ASGR2: variants seen among roughly 807,000 people sequenced by gnomAD.
ASGR2 encodes the protein C-type lectin domain family 4 member H2.
A neutral mutation model predicts 32.3 loss-of-function variants in ASGR2; 34 were observed. That is an observed-to-expected ratio of 1.05 (90% CI 0.80 to 1.40). ASGR2 has a LOEUF of 1.40. ASGR2 is among the 40% of genes most tolerant of loss of function. ASGR2 has a pLI of 0.00. For missense variants in ASGR2, 385 were observed against 386.4 expected, an observed-to-expected ratio of 1.00 and a Z score of 0.03; for synonymous variants, 143 against 150.0, an observed-to-expected ratio of 0.95 and a Z score of 0.34.
At chr17:7,103,449 C>G (rs1913139264) in intron 7 of ASGR2, among the ~76,000 whole-genome samples, 1 of 152,172 alleles carries the variant, frequency 6.6e-6, no homozygotes, top group Non-Finnish European at 1.5e-5. Flanking sequence ...CTCCCATCAC[C>G]ACGAGAAACA....
chr17:7,104,370 AGC>A (rs1427538973), intron 7 of ASGR2, among the ~76,000 whole-genome samples: 1,574 of 136,076 alleles, frequency 0.012, 18 homozygotes, highest in Non-Finnish European at 0.019. Context: ...AAAAAAAAAA[AGC>A]CAGGCGTAGT....
chr17:7,106,958 C>T, intron 7 of ASGR2, 42 bp downstream of exon 7: 2 of 1,610,634 alleles, frequency 1.2e-6, no homozygotes, highest in Non-Finnish European at 1.7e-6. Flanking sequence ...CAGAGCAGGC[C>T]TTCCAAGGGC....
rs1201491631 is a variant in ASGR2, at chr17:7,113,461, A to G, written c.124+656T>C. Among the ~76,000 whole-genome samples, 8 of 148,590 alleles carry G rather than the reference A, an allele frequency of 5.4e-5. No individual in the cohort carries two copies. The East Asian group carries it at 1.6e-3, about 29-fold the overall frequency. On this transcript the variant is annotated intron_variant, in intron 2 of 8. Transcript: ENST00000691900. This position sits in a 1 kb window ranked among gnomAD's most constrained non-coding sequence, Gnocchi z 5.1. ...CAACACTCACACAACACACAAACAT[A>G]CATACACTCACACAATACACACACA...
intron 7 of ASGR2, among the ~76,000 whole-genome samples, chr17:7,102,614 T>G (rs1913013296): frequency 6.6e-6 from 1 of 152,170 alleles, no homozygotes; most frequent in African/African-American, 2.4e-5. Flanking sequence ...CCCTGTCTTC[T>G]GCCCACAGCC....
upstream of ASGR2, chr17:7,114,923 C>T (rs568291160): frequency 4.1e-4 from 407 of 982,766 alleles, no homozygotes; most frequent in South Asian, 4.9e-3. The surrounding 1 kb of genome is among the most constrained non-coding windows in gnomAD (Gnocchi z 4.5). Flanking sequence ...CCCTGGGCTG[C>T]GCTCAACTCC....
At chr17:7,104,816 A>T (rs1372068788) in intron 7 of ASGR2, among the ~76,000 whole-genome samples, 1 of 151,746 alleles carries the variant, frequency 6.6e-6, no homozygotes, top group Non-Finnish European at 1.5e-5. Flanking sequence ...CTCTACTAAA[A>T]AATATAAAAG....
chr17:7,106,810 A>C (rs1913756396), intron 7 of ASGR2, among the ~76,000 whole-genome samples, 190 bp downstream of exon 7: 1 of 151,770 alleles, frequency 6.6e-6, no homozygotes, highest in African/African-American at 2.4e-5. Context: ...AGGCCGAGGC[A>C]GGAGAATGGC....
Position 7,101,463 on chromosome 17 carries a change from C to G in ASGR2, c.*112G>C. On this transcript the variant is annotated 3_prime_UTR_variant, in exon 9 of 9. Transcript: ENST00000691900. ...AAACTACCTCCTTTCTCTCTTTGCT[C>G]AGCTCTTCCCCATACCCCTGTCTCA... The G allele has an allele frequency of 7.1e-7, 1 of 1,407,258 alleles. No individual in the cohort carries two copies. The highest frequency in any genetic ancestry group is 1.4e-5 in the South Asian group (1 of 69,456). The allele number at this position is 1,407,258 out of a possible 1,614,324, so 87.2% of individuals were successfully genotyped here. A position where few individuals can be genotyped will look rare whatever the true frequency, so the allele number is the denominator to read the frequency against.
chr17:7,112,646 C>T (rs560631432), intron 2 of ASGR2, among the ~76,000 whole-genome samples: 30 of 152,274 alleles, frequency 2.0e-4, no homozygotes, highest in Admixed American at 1.8e-3. Flanking sequence ...GTCCAGCCAG[C>T]CCCCTACAGA....
At position 7,114,683 on chromosome 17, in the gene ASGR2, A is replaced by T. The variant is rs1915254849; in HGVS notation, c.-139T>A. On this transcript the variant is annotated 5_prime_UTR_variant, in exon 1 of 9. Coordinates refer to ENST00000691900, the MANE Select transcript of ASGR2 (RefSeq NM_001201352.2). This position sits in a 1 kb window ranked among gnomAD's most constrained non-coding sequence, Gnocchi z 4.5. Reference sequence around the variant, plus strand: ...CCCTGGCCTTGGCCAAGGAGGGGTTAAAGCCAGGAGAACTGGGGCAGGTGG... The same window carrying T: ...CCCTGGCCTTGGCCAAGGAGGGGTTTAAGCCAGGAGAACTGGGGCAGGTGG... 2.9e-6 allele frequency: 3 copies of T among 1,021,566 alleles called. No homozygotes were observed. Among genetic ancestry groups the T allele is most frequent in the South Asian group, 7.7e-5 (2 of 25,812 alleles). 63.3% of individuals were successfully genotyped at this position (1,021,566 alleles called of 1,614,324 possible). A position where few individuals can be genotyped will look rare whatever the true frequency, so the allele number is the denominator to read the frequency against.
In ASGR2 at chr17:7,114,197, T is replaced by G; in HGVS notation, c.44A>C (p.Glu15Ala). The G allele has an allele frequency of 6.2e-7, 1 of 1,614,158 alleles. No individual in the cohort carries two copies. Among genetic ancestry groups the G allele is most frequent in the Non-Finnish European group, 8.5e-7 (1 of 1,180,030 alleles). ...ACCTTGATGGAAAGGATGGTCATTT[T>G]CCTCCGAGCTCAGCTGCTGGATATC... ...FQDIQQLSSEENDHPFHQGEG... is the reference protein window; with the variant it reads ...FQDIQQLSSEANDHPFHQGEG... Residue 15 changes from glutamate (E) to alanine (A), a missense_variant, in exon 2 of 9, where the codon GAA (glutamate) becomes GCA (alanine). Physicochemically the swap from Glu to Ala is moderately radical, Grantham distance 107. Coordinates refer to ENST00000691900, the MANE Select transcript of ASGR2 (RefSeq NM_001201352.2). This position sits in a 1 kb window ranked among gnomAD's most constrained non-coding sequence, Gnocchi z 4.5.
At chr17:7,111,535 A>T (rs1180011018) in intron 2 of ASGR2, among the ~76,000 whole-genome samples, 3 of 152,030 alleles carry the variant, frequency 2.0e-5, no homozygotes, top group African/African-American at 4.8e-5. Flanking sequence ...AGGCGCCTGT[A>T]GTCCCAGCTA....
At chr17:7,111,059 C>G (rs941343749) in intron 2 of ASGR2, among the ~76,000 whole-genome samples, 12 of 152,112 alleles carry the variant, frequency 7.9e-5, no homozygotes, top group African/African-American at 2.9e-4. Flanking sequence ...GAGCAAAGCT[C>G]AAGAACATTT....
intron 2 of ASGR2, among the ~76,000 whole-genome samples, chr17:7,110,983 G>A (rs1914548085): frequency 2.0e-5 from 3 of 152,312 alleles, no homozygotes; most frequent in South Asian, 2.1e-4. Flanking sequence ...CTGAGAGTCC[G>A]AGGAGACCAA....
chr17:7,114,528 C>T lies in ASGR2; in HGVS notation c.-71+87G>A, dbSNP rs920764. 0.29 allele frequency: 358,939 copies of T among 1,221,282 alleles called. 53,293 individuals are homozygous for T. Among genetic ancestry groups the T allele is most frequent in the East Asian group, 0.36 (8,510 of 23,848 alleles). The allele number at this position is 1,221,282 out of a possible 1,614,324, so 75.7% of individuals were successfully genotyped here. A position where few individuals can be genotyped will look rare whatever the true frequency, so the allele number is the denominator to read the frequency against. ...CGCTCATGGACCCGACCACCCACAGCTTCCCATGGGGTCCTCCCCATCCCT... is the reference window on the plus strand; with the variant it reads ...CGCTCATGGACCCGACCACCCACAGTTTCCCATGGGGTCCTCCCCATCCCT... On this transcript the variant is annotated intron_variant, in intron 1 of 8. Coordinates refer to ENST00000691900, the MANE Select transcript of ASGR2 (RefSeq NM_001201352.2). The surrounding 1 kb of genome is among the most constrained non-coding windows in gnomAD (Gnocchi z 4.5).
intron 2 of ASGR2, among the ~76,000 whole-genome samples, chr17:7,111,964 G>T: frequency 7.0e-6 from 1 of 142,612 alleles, no homozygotes. Flanking sequence ...GATCGCCTGA[G>T]CCCAGGAGGT....
Position 7,113,996 on chromosome 17 carries a change from G to A in ASGR2, c.124+121C>T, listed in dbSNP as rs1038365850. On this transcript the variant is annotated intron_variant, in intron 2 of 8. Transcript: ENST00000691900. This position sits in a 1 kb window ranked among gnomAD's most constrained non-coding sequence, Gnocchi z 5.1. ...AGGAAGGTGAGGTGAGGGAACAAGC[G>A]GGGGTGTCGGGCCCTCCTCAGTCCC... 14 of 1,425,932 alleles carry A rather than the reference G, an allele frequency of 9.8e-6. No homozygotes were observed. Among genetic ancestry groups the A allele is most frequent in the East Asian group, 4.7e-5 (2 of 42,872 alleles). 88.3% of individuals were successfully genotyped at this position (1,425,932 alleles called of 1,614,324 possible).
In ASGR2 at chr17:7,113,698, C is replaced by T. The variant is rs1400457181; in HGVS notation, c.124+419G>A. 2.7e-5 allele frequency among the ~76,000 whole-genome samples: 4 copies of T among 148,820 alleles called. No homozygotes were observed. Among genetic ancestry groups the T allele is most frequent in the African/African-American group, 1.0e-4 (4 of 40,186 alleles). On this transcript the variant is annotated intron_variant, in intron 2 of 8. Transcript: ENST00000691900. This position sits in a 1 kb window ranked among gnomAD's most constrained non-coding sequence, Gnocchi z 5.1. Reference sequence around the variant, plus strand: ...AACATATACTCACACAACATACACACACAACACACTCTCACACACAACATA... The same window carrying T: ...AACATATACTCACACAACATACACATACAACACACTCTCACACACAACATA...
At chr17:7,109,012 G>GC in intron 2 of ASGR2, 124 bp from the exon 3 acceptor site, 1 of 633,054 alleles carries the variant, frequency 1.6e-6, no homozygotes, top group Non-Finnish European at 2.6e-6. Flanking sequence ...ATGGGGGGGG[G>GC]TCATCATAGG....
Sources: gnomAD v4.1 joint callset for allele counts (sites outside exome capture counted in the v4.1 genomes callset) on GRCh38, gnomAD v4.1.1 for gene constraint, Gnocchi (gnomAD v3.1) non-coding constraint, MANE v1.5 for transcripts, NCBI Gene and HGNC (gene_info 2026-07-23, HGNC 2026-07-21) for gene names.